The following TRERF1 variants were observed in gnomAD, a reference collection of about 807,000 sequenced individuals.
TRERF1 encodes the protein transcriptional regulating factor 1.
In TRERF1, 27 loss-of-function variants were observed where a neutral mutation model predicts 122.9. That is an observed-to-expected ratio of 0.22 (90% CI 0.16 to 0.30). TRERF1 has a LOEUF of 0.30. TRERF1 is among the 10% of genes least tolerant of loss of function. The pLI, the probability that TRERF1 is intolerant of heterozygous loss-of-function variation, is 1.00. For synonymous variants in TRERF1, 636 were observed against 641.7 expected (o/e 0.99, Z 0.13); for missense variants, 1,248 against 1,560.3 (o/e 0.80, Z 3.37).
chr6:42,427,157 T>TA (rs978839052), intron 2 of TRERF1, among the ~76,000 whole-genome samples: 1 of 152,050 alleles, frequency 6.6e-6, no homozygotes, highest in African/African-American at 2.4e-5. Flanking sequence ...CCTATCTCTA[T>TA]AAAAAATACA....
chr6:42,437,661 T>C (rs1176395011), intron 2 of TRERF1, among the ~76,000 whole-genome samples: 2 of 151,760 alleles, frequency 1.3e-5, no homozygotes, highest in East Asian at 1.9e-4. Context: ...AAATGGGAGG[T>C]AGGATAAGCA....
At chr6:42,434,338 C>CA (rs1784923351) in intron 2 of TRERF1, among the ~76,000 whole-genome samples, 1 of 150,928 alleles carries the variant, frequency 6.6e-6, no homozygotes, top group African/African-American at 2.4e-5. Context: ...ACAGGGGATC[C>CA]ATATGAAGAG....
At chr6:42,325,419 G>T (rs1764124401) in intron 3 of TRERF1, among the ~76,000 whole-genome samples, 1 of 152,062 alleles carries the variant, frequency 6.6e-6, no homozygotes, top group Admixed American at 6.6e-5. Flanking sequence ...ATACCCAAAA[G>T]AAAATAAATC....
intron 15 of TRERF1, among the ~76,000 whole-genome samples, chr6:42,238,361 T>C (rs1222142001): frequency 1.3e-5 from 2 of 152,258 alleles, no homozygotes; most frequent in African/African-American, 4.8e-5. Context: ...GTACCATGAT[T>C]ATGTATGTCT....
At chr6:42,403,946 T>C (rs1779807710) in intron 2 of TRERF1, among the ~76,000 whole-genome samples, 1 of 151,982 alleles carries the variant, frequency 6.6e-6, no homozygotes, top group African/African-American at 2.4e-5. Flanking sequence ...CCCCAGGCCT[T>C]GCCACAGAGC....
At chr6:42,370,914 C>T (rs904008253) in intron 2 of TRERF1, among the ~76,000 whole-genome samples, 2 of 152,192 alleles carry the variant, frequency 1.3e-5, no homozygotes, top group African/African-American at 4.8e-5. Flanking sequence ...CTGGTTTTCG[C>T]TGTTTTCCTC....
intron 16 of TRERF1, among the ~76,000 whole-genome samples, chr6:42,233,528 G>GC (rs1285234821): frequency 2.6e-5 from 4 of 151,802 alleles, no homozygotes; most frequent in Non-Finnish European, 5.9e-5. Context: ...CTTGTGATCT[G>GC]CCCGCCTTGG....
intron 2 of TRERF1, among the ~76,000 whole-genome samples, chr6:42,396,948 A>G (rs754443084): frequency 9.9e-5 from 15 of 152,102 alleles, no homozygotes; most frequent in Non-Finnish European, 2.1e-4. Context: ...CTCACCCACA[A>G]ACCCCCTTGG....
At chr6:42,397,181 G>T (rs1778739684) in intron 2 of TRERF1, among the ~76,000 whole-genome samples, 1 of 152,168 alleles carries the variant, frequency 6.6e-6, no homozygotes, top group South Asian at 2.1e-4. Context: ...AGGAGAGGAA[G>T]GAGACAGAGG....
At chr6:42,304,582 T>C (rs1397126213) in intron 3 of TRERF1, among the ~76,000 whole-genome samples, 1 of 152,212 alleles carries the variant, frequency 6.6e-6, no homozygotes, top group Non-Finnish European at 1.5e-5. Flanking sequence ...GAGTCAGCTA[T>C]TGCTGACCAG....
At position 42,268,030 on chromosome 6, in the gene TRERF1, T is replaced by C. The variant is rs1779518434; in HGVS notation, c.1437+124A>G. The C allele has an allele frequency of 4.2e-6, 5 of 1,185,118 alleles. No individual in the cohort carries two copies. The highest frequency in any genetic ancestry group is 5.5e-6 in the Non-Finnish European group (5 of 900,948). 73.4% of individuals were successfully genotyped at this position (1,185,118 alleles called of 1,614,324 possible). On this transcript the variant is annotated intron_variant, in intron 5 of 17. Coordinates refer to ENST00000372922, the Ensembl canonical transcript of TRERF1. The surrounding 1 kb of genome is among the most constrained non-coding windows in gnomAD (Gnocchi z 4.4). Reference sequence around the variant, plus strand: ...ACAGTGCGTGACACATGTAGGTTAATGTTTGTGGAATTAGTAAAGAACAAA... The same window carrying C: ...ACAGTGCGTGACACATGTAGGTTAACGTTTGTGGAATTAGTAAAGAACAAA...
chr6:42,391,559 T>A (rs1320762352), intron 2 of TRERF1, among the ~76,000 whole-genome samples: 1 of 152,144 alleles, frequency 6.6e-6, no homozygotes, highest in Non-Finnish European at 1.5e-5. Flanking sequence ...GGAGTCCTCC[T>A]GCCCACACCC....
At chr6:42,256,072 G>A (rs1174488556) in intron 12 of TRERF1, among the ~76,000 whole-genome samples, 3 of 151,356 alleles carry the variant, frequency 2.0e-5, no homozygotes, top group South Asian at 2.1e-4. Context: ...CAGAGGTTGC[G>A]GTGAGCCGAG....
At position 42,259,459 on chromosome 6, in the gene TRERF1, C is replaced by T. The variant is rs1197528764; in HGVS notation, c.2149G>A (p.Val717Met). The T allele has an allele frequency of 1.2e-6, 2 of 1,604,826 alleles. No homozygotes were observed. Among genetic ancestry groups the T allele is most frequent in the Admixed American group, 1.7e-5 (1 of 59,548 alleles). The change falls in exon 9 of 18, where the codon GTG becomes ATG. Residue 717 changes from valine to methionine, a missense_variant. This residue lies in a region of TRERF1 where 946 missense variants were observed against 1,073.0 expected (regional missense o/e 0.88). Coordinates refer to ENST00000372922, the Ensembl canonical transcript of TRERF1. The surrounding 1 kb of genome is among the most constrained non-coding windows in gnomAD (Gnocchi z 4.9). ...CTGAAGAGCCCCGAGCCCTGGCGCA[C>T]CGGGCTCAGCATGGGTGGGGGCGTG...
At chr6:42,247,537 G>A (rs576724014) in intron 13 of TRERF1, among the ~76,000 whole-genome samples, 2 of 152,186 alleles carry the variant, frequency 1.3e-5, no homozygotes, top group Non-Finnish European at 2.9e-5. Context: ...AGAAGCAGAT[G>A]AGGCTGGAGA....
At chr6:42,326,448 G>C (rs984306082) in intron 3 of TRERF1, among the ~76,000 whole-genome samples, 1 of 152,194 alleles carries the variant, frequency 6.6e-6, no homozygotes, top group African/African-American at 2.4e-5. Flanking sequence ...GTTATTAACA[G>C]ATCATGCAAC....
chr6:42,345,241 A>G (rs942995151), intron 3 of TRERF1, among the ~76,000 whole-genome samples: 13 of 152,236 alleles, frequency 8.5e-5, no homozygotes, highest in African/African-American at 2.9e-4. Context: ...TTCTTTCTAA[A>G]TGTTTTACAA....
At chr6:42,355,180 T>A (rs756647302) in intron 3 of TRERF1, among the ~76,000 whole-genome samples, 2 of 152,214 alleles carry the variant, frequency 1.3e-5, no homozygotes, top group African/African-American at 4.8e-5. Flanking sequence ...CCAGTAAGTA[T>A]ATAGCGGCAG....
At chr6:42,367,612 T>G (rs1036789712) in intron 2 of TRERF1, among the ~76,000 whole-genome samples, 1 of 152,118 alleles carries the variant, frequency 6.6e-6, no homozygotes, top group Middle Eastern at 3.2e-3. Flanking sequence ...ACCCTTACCC[T>G]GGGCTTCTCC....
Sources: allele counts gnomAD v4.1 joint callset (sites outside exome capture counted in the v4.1 genomes callset), GRCh38; gene constraint gnomAD v4.1.1; regional missense constraint gnomAD v4.1.1; non-coding constraint Gnocchi (gnomAD v3.1); transcripts MANE v1.5; gene names NCBI Gene and HGNC (gene_info 2026-07-23, HGNC 2026-07-21).